The following GALNT15 variants were observed in gnomAD, a reference collection of about 807,000 sequenced individuals.
GALNT15 encodes polypeptide N-acetylgalactosaminyltransferase 15.
GALNT15 carries 67 observed loss-of-function variants against 66.8 expected under a neutral mutation model. The ratio of observed to expected loss-of-function variants is 1.00; its 90% CI spans 0.82 to 1.23. The LOEUF (loss-of-function observed/expected upper bound fraction) is 1.23. Among genes scored for constraint, GALNT15 ranks in the 50% most tolerant of loss-of-function variants. The pLI, the probability that GALNT15 is intolerant of heterozygous loss-of-function variation, is 0.00. For synonymous variants in GALNT15, 313 were observed against 311.5 expected, an observed-to-expected ratio of 1.00 and a Z score of -0.05; for missense variants, 827 against 804.3, an observed-to-expected ratio of 1.03 and a Z score of -0.34.
Position 16,181,020 on chromosome 3 carries a change from G to C in GALNT15, c.539+5330G>C, listed in dbSNP as rs987870974. The stretch of plus-strand genomic sequence containing the variant: ...GGTTGTAGAGAAAATGAGACACAAC[G>C]TGTGATGATTTTCCTTGTGTATTAA... On this transcript the variant is annotated intron_variant, in intron 1 of 9. Coordinates refer to ENST00000339732, the MANE Select transcript of GALNT15 (RefSeq NM_054110.5). The surrounding 1 kb of genome is among the most constrained non-coding windows in gnomAD (Gnocchi z 5.9). Among the ~76,000 whole-genome samples, 1 of 152,184 alleles carries C rather than the reference G, an allele frequency of 6.6e-6. No homozygotes were observed. Among genetic ancestry groups the C allele is most frequent in the Non-Finnish European group, 1.5e-5 (1 of 68,030 alleles).
In GALNT15 at chr3:16,191,388, A is replaced by C; in HGVS notation, c.540-4372A>C. 1 of 952,840 alleles carries C rather than the reference A, an allele frequency of 1.0e-6. No individual in the cohort carries two copies. The highest frequency in any genetic ancestry group is 1.2e-6 in the Non-Finnish European group (1 of 800,106). 59.0% of individuals were successfully genotyped at this position (952,840 alleles called of 1,614,324 possible). ...GCATGGTGCTCACTCTGTGCCACCC[A>C]CTGTTCTTGGTGCTTTATAAAGATC... On this transcript the variant is annotated intron_variant, in intron 1 of 9. Coordinates refer to ENST00000339732, the MANE Select transcript of GALNT15 (RefSeq NM_054110.5). The surrounding 1 kb of genome is among the most constrained non-coding windows in gnomAD (Gnocchi z 5.2).
Position 16,181,105 on chromosome 3 carries a change from G to A in GALNT15, c.539+5415G>A, listed in dbSNP as rs1365722388. On this transcript the variant is annotated intron_variant, in intron 1 of 9. Transcript: ENST00000339732. The surrounding 1 kb of genome is among the most constrained non-coding windows in gnomAD (Gnocchi z 5.9). The stretch of plus-strand genomic sequence containing the variant: ...GTAAATGGCCTAGGAGTAAGTTGGA[G>A]TGATGGAGAAAAATGGAGCTGTGGA... Among the ~76,000 whole-genome samples the A allele has an allele frequency of 6.6e-6, 1 of 152,198 alleles. No individual in the cohort carries two copies. Among genetic ancestry groups the A allele is most frequent in the Non-Finnish European group, 1.5e-5 (1 of 68,032 alleles).
chr3:16,202,827 G>T (rs1574982532), intron 3 of GALNT15, among the ~76,000 whole-genome samples: 2 of 152,192 alleles, frequency 1.3e-5, no homozygotes, highest in Admixed American at 6.5e-5. Context: ...AGATCATCTT[G>T]TCTTACCTCA....
chr3:16,219,268 C>G lies in GALNT15; in HGVS notation c.1393-135C>G, dbSNP rs73818324. On this transcript the variant is annotated intron_variant, in intron 6 of 9. Coordinates refer to ENST00000339732, the MANE Select transcript of GALNT15 (RefSeq NM_054110.5). This position sits in a 1 kb window ranked among gnomAD's most constrained non-coding sequence, Gnocchi z 4.3. The stretch of plus-strand genomic sequence containing the variant: ...AACACATGACCCTCCCCACTGCAGC[C>G]CTGGAGAACTGTGGTCTTGGCCCCT... The G allele has an allele frequency of 0.054, 57,282 of 1,065,836 alleles. 1,786 individuals carry two copies. The highest frequency in any genetic ancestry group is 0.085 in the African/African-American group (5,369 of 63,410). 66.0% of individuals were successfully genotyped at this position (1,065,836 alleles called of 1,614,324 possible).
At chr3:16,243,560 G>A in the GALNT15 span, among the ~76,000 whole-genome samples, 1 of 152,228 alleles carries the variant, frequency 6.6e-6, no homozygotes, top group African/African-American at 2.4e-5. Flanking sequence ...AGGTTTATTG[G>A]CAGGTGTAGC....
chr3:16,212,056 T>TC (rs2063821283), intron 5 of GALNT15, among the ~76,000 whole-genome samples: 1 of 152,198 alleles, frequency 6.6e-6, no homozygotes, highest in African/African-American at 2.4e-5. Flanking sequence ...CCGAATGAAC[T>TC]CCAGCCGTTT....
In GALNT15 at chr3:16,191,628, GT is replaced by G. The variant is rs2063580482; in HGVS notation, c.540-4131del. Among the ~76,000 whole-genome samples the G allele has an allele frequency of 1.3e-5, 2 of 152,206 alleles. No homozygotes were observed. Among genetic ancestry groups the G allele is most frequent in the African/African-American group, 2.4e-5 (1 of 41,452 alleles). ...CAAAGAAAGGAACTTGAGTGCCCTG[GT>G]CACCATTTAACTAGCAGAGATGGAA... On this transcript the variant is annotated intron_variant, in intron 1 of 9. Transcript: ENST00000339732. The surrounding 1 kb of genome is among the most constrained non-coding windows in gnomAD (Gnocchi z 5.2).
intron 8 of GALNT15, 112 bp downstream of exon 8, chr3:16,220,126 C>A: frequency 1.2e-6 from 1 of 821,804 alleles, no homozygotes; most frequent in East Asian, 2.5e-5. Flanking sequence ...TTCTGTGGTC[C>A]CATGTCCCTT....
intron 1 of GALNT15, among the ~76,000 whole-genome samples, chr3:16,192,278 G>A (rs746474030): frequency 5.3e-5 from 8 of 152,174 alleles, no homozygotes; most frequent in Non-Finnish European, 1.0e-4. Context: ...AATTGAGACA[G>A]AGAAAGGAGC....
chr3:16,199,421 A>G (rs912560083), intron 2 of GALNT15, among the ~76,000 whole-genome samples: 3 of 141,244 alleles, frequency 2.1e-5, no homozygotes, highest in Non-Finnish European at 3.1e-5. Context: ...AGACTCCCCT[A>G]TCAACTGCAA....
chr3:16,200,807 A>G lies in GALNT15; in HGVS notation c.895A>G (p.Arg299Gly). 6.2e-7 allele frequency: 1 copy of G among 1,608,050 alleles called. No homozygotes were observed. Among genetic ancestry groups the G allele is most frequent in the Non-Finnish European group, 8.5e-7 (1 of 1,177,684 alleles). Residue 299 changes from arginine to glycine, a missense_variant, in exon 3 of 10, where the codon AGA becomes GGA. Transcript: ENST00000339732. The surrounding 1 kb of genome is among the most constrained non-coding windows in gnomAD (Gnocchi z 4.4). ...AGGCTGGCTGGAGCCCCTCCTCAGCAGAATAGCTGGTGACAGGTAACTTAT... is the reference window on the plus strand; with the variant it reads ...AGGCTGGCTGGAGCCCCTCCTCAGCGGAATAGCTGGTGACAGGTAACTTAT... ...HPGWLEPLLS[R>G]IAGDRSRVVS... is the part of the protein sequence containing the mutation.
chr3:16,223,321 C>G (rs2063968020), intron 9 of GALNT15, among the ~76,000 whole-genome samples: 1 of 152,088 alleles, frequency 6.6e-6, no homozygotes, highest in African/African-American at 2.4e-5. Context: ...GAGGAATGTC[C>G]GTACTTAAGG....
rs895891898 is a variant in GALNT15, at chr3:16,228,258, A to G, written c.*758A>G. On this transcript the variant is annotated 3_prime_UTR_variant, in exon 10 of 10. Transcript: ENST00000339732. ...CTTGGTTAACCATAACCATAACCAG[A>G]TTCCCTTGCAATCGATTTCTCTTTA... The G allele has an allele frequency of 5.1e-6, 5 of 985,804 alleles. No homozygotes were observed. Among genetic ancestry groups the G allele is most frequent in the Non-Finnish European group, 6.0e-6 (5 of 829,910 alleles). The allele number at this position is 985,804 out of a possible 1,614,324, so 61.1% of individuals were successfully genotyped here. A position where few individuals can be genotyped will look rare whatever the true frequency, so the allele number is the denominator to read the frequency against.
intron 3 of GALNT15, among the ~76,000 whole-genome samples, chr3:16,206,152 A>G (rs2063754245): frequency 6.6e-6 from 1 of 151,816 alleles, no homozygotes; most frequent in Non-Finnish European, 1.5e-5. Flanking sequence ...CAAGGCTGGC[A>G]GATCACTTTG....
At chr3:16,232,041 C>A, downstream of GALNT15, 5 of 1,272,768 alleles carry the variant, frequency 3.9e-6, no homozygotes, top group Non-Finnish European at 5.2e-6. Flanking sequence ...AATGCAGAAA[C>A]TGTTCAGAGA....
At chr3:16,238,554 GACT>G in the GALNT15 span, among the ~76,000 whole-genome samples, 1 of 151,980 alleles carries the variant, frequency 6.6e-6, no homozygotes, top group Admixed American at 6.6e-5. The surrounding 1 kb of genome is among the most constrained non-coding windows in gnomAD (Gnocchi z 4.8). Flanking sequence ...ATGATGTAAG[GACT>G]ACTATTATCT....
intron 8 of GALNT15, among the ~76,000 whole-genome samples, chr3:16,222,140 A>G (rs2063949029): frequency 6.6e-6 from 1 of 152,222 alleles, no homozygotes; most frequent in South Asian, 2.1e-4. Context: ...GCCCCTCTCA[A>G]AGGTGTGCAC....
At position 16,176,858 on chromosome 3, in the gene GALNT15, G is replaced by A. The variant is rs142375633; in HGVS notation, c.539+1168G>A. On this transcript the variant is annotated intron_variant, in intron 1 of 9. Transcript: ENST00000339732. This position sits in a 1 kb window ranked among gnomAD's most constrained non-coding sequence, Gnocchi z 5.6. ...CCTGGCTGCTCAGCCACTCACACTC[G>A]AGGGTGTGCAATTGCAGGGTCAGCA... Among the ~76,000 whole-genome samples, 10 of 152,254 alleles carry A rather than the reference G, an allele frequency of 6.6e-5. No homozygotes were observed. In the East Asian group the frequency reaches 1.9e-3, roughly 29 times the overall value.
In GALNT15 at chr3:16,182,529, A is replaced by G. The variant is rs144638174; in HGVS notation, c.539+6839A>G. ...GTAAGGAACAGGGAACTGTCCAGAC[A>G]AGGTTGAAGGAGGTGGACAGGAGGG... On this transcript the variant is annotated intron_variant, in intron 1 of 9. Transcript: ENST00000339732. The surrounding 1 kb of genome is among the most constrained non-coding windows in gnomAD (Gnocchi z 6.1). 1.2e-3 allele frequency among the ~76,000 whole-genome samples: 187 copies of G among 152,388 alleles called. No individual in the cohort carries two copies. Among genetic ancestry groups the G allele is most frequent in the Non-Finnish European group, 1.9e-3 (131 of 68,034 alleles).
Sources: gnomAD v4.1 joint callset for allele counts (sites outside exome capture counted in the v4.1 genomes callset) on GRCh38, gnomAD v4.1.1 for gene constraint, Gnocchi (gnomAD v3.1) non-coding constraint, MANE v1.5 for transcripts, NCBI Gene and HGNC (gene_info 2026-07-23, HGNC 2026-07-21) for gene names.